Variants in CNTN4 observed in about 807,000 individuals in gnomAD.
CNTN4 encodes contactin 4.
In CNTN4, 77 loss-of-function variants were observed where a neutral mutation model predicts 122.5. The ratio of observed to expected loss-of-function variants is 0.63; its 90% CI spans 0.52 to 0.76. The LOEUF is 0.76. CNTN4 is among the 30% of genes least tolerant of loss of function. The pLI is 0.00. For missense variants in CNTN4, 1,256 were observed against 1,259.1 expected, an observed-to-expected ratio of 1.00 and a Z score of 0.04; for synonymous variants, 512 against 447.0, an observed-to-expected ratio of 1.15 and a Z score of -1.83.
At chr3:2,567,786 C>A (rs1438449653) in intron 3 of CNTN4, among the ~76,000 whole-genome samples, 1 of 152,126 alleles carries the variant, frequency 6.6e-6, no homozygotes, top group East Asian at 1.9e-4. Flanking sequence ...GGCCTTCCTC[C>A]CTCTTATTTA....
chr3:2,197,149 A>G (rs555881019), intron 2 of CNTN4, among the ~76,000 whole-genome samples: 1 of 152,026 alleles, frequency 6.6e-6, no homozygotes, highest in East Asian at 1.9e-4. Flanking sequence ...TATAGCGACT[A>G]TTAAGGAACC....
At chr3:2,324,874 C>T (rs572824833) in intron 2 of CNTN4, among the ~76,000 whole-genome samples, 18 of 152,120 alleles carry the variant, frequency 1.2e-4, no homozygotes, top group African/African-American at 4.3e-4. Flanking sequence ...ACCTCAAAAG[C>T]AGAGATGCTT....
chr3:3,000,609 G>A (rs1695938306), intron 14 of CNTN4, among the ~76,000 whole-genome samples: 1 of 152,228 alleles, frequency 6.6e-6, no homozygotes, highest in Admixed American at 6.5e-5. Context: ...AGGGAAATAT[G>A]GCAGAAAGAA....
intron 6 of CNTN4, among the ~76,000 whole-genome samples, chr3:2,764,401 CA>C (rs1454950196): frequency 6.6e-6 from 1 of 152,112 alleles, no homozygotes; most frequent in African/African-American, 2.4e-5. Context: ...ACAGAAAATA[CA>C]GAATGTACAA....
At chr3:2,983,092 T>C (rs1694190528) in intron 13 of CNTN4, among the ~76,000 whole-genome samples, 1 of 151,204 alleles carries the variant, frequency 6.6e-6, no homozygotes, top group Non-Finnish European at 1.5e-5. Flanking sequence ...CGGGTGCCTG[T>C]AGTCCCAGCT....
At chr3:2,973,655 T>G (rs192662595) in intron 13 of CNTN4, among the ~76,000 whole-genome samples, 1 of 152,044 alleles carries the variant, frequency 6.6e-6, no homozygotes, top group Non-Finnish European at 1.5e-5. Context: ...ATAATCAACA[T>G]ATTTAATGTG....
At chr3:2,622,876 C>G (rs2082043042) in intron 4 of CNTN4, among the ~76,000 whole-genome samples, 1 of 152,144 alleles carries the variant, frequency 6.6e-6, no homozygotes, top group African/African-American at 2.4e-5. Context: ...AGCCAGCACT[C>G]TTAGGGATTA....
chr3:2,828,298 G>T (rs1461059685), intron 7 of CNTN4, among the ~76,000 whole-genome samples: 1 of 152,040 alleles, frequency 6.6e-6, no homozygotes, highest in Non-Finnish European at 1.5e-5. Context: ...CACCTGAGAA[G>T]CGACTTCCCT....
intron 22 of CNTN4, among the ~76,000 whole-genome samples, chr3:3,043,368 C>T (rs1700337180): frequency 6.6e-6 from 1 of 152,176 alleles, no homozygotes; most frequent in South Asian, 2.1e-4. Flanking sequence ...TTTTTCTCCT[C>T]ACTGGGAAGG....
At chr3:2,599,362 G>C (rs2616589) in intron 4 of CNTN4, among the ~76,000 whole-genome samples, 14,914 of 152,290 alleles carry the variant, frequency 0.098, 972 homozygotes, top group Non-Finnish European at 0.14. Context: ...TCCAGAATCT[G>C]AGCTGTTGAC....
intron 7 of CNTN4, among the ~76,000 whole-genome samples, chr3:2,864,600 G>T (rs959373777): frequency 2.0e-5 from 3 of 151,672 alleles, no homozygotes; most frequent in Admixed American, 1.3e-4. Flanking sequence ...TTAGCCAAGC[G>T]TCGTGGTGGG....
intron 2 of CNTN4, among the ~76,000 whole-genome samples, chr3:2,231,921 A>G (rs1251848427): frequency 1.3e-5 from 2 of 152,278 alleles, no homozygotes; most frequent in South Asian, 4.1e-4. Flanking sequence ...AATACAACAC[A>G]TTCCTATGAA....
At chr3:2,892,308 A>G (rs1469717605) in intron 10 of CNTN4, 3 of 152,214 alleles carry the variant, frequency 2.0e-5, no homozygotes, top group African/African-American at 4.8e-5. Context: ...TAAGTTCCCA[A>G]GTAATGCTGA....
intron 4 of CNTN4, among the ~76,000 whole-genome samples, chr3:2,656,058 T>C (rs2083574550): frequency 2.0e-5 from 3 of 152,224 alleles, no homozygotes; most frequent in Non-Finnish European, 4.4e-5. Flanking sequence ...TGTTTTATTG[T>C]CCTCGAGGCA....
At chr3:2,618,243 G>GTA (rs56209132) in intron 4 of CNTN4, among the ~76,000 whole-genome samples, 8,227 of 151,138 alleles carry the variant, frequency 0.054, 689 homozygotes, top group African/African-American at 0.18. Flanking sequence ...TTAAATGTGG[G>GTA]TATATATATA....
At chr3:2,268,995 G>A (rs2041162798) in intron 2 of CNTN4, among the ~76,000 whole-genome samples, 1 of 152,076 alleles carries the variant, frequency 6.6e-6, no homozygotes, top group African/African-American at 2.4e-5. Context: ...GGAGTCCTTA[G>A]TGCCACTATG....
chr3:2,143,215 C>A (rs2035086333), intron 2 of CNTN4, among the ~76,000 whole-genome samples: 1 of 152,046 alleles, frequency 6.6e-6, no homozygotes, highest in South Asian at 2.1e-4. Context: ...TTAGAATTAA[C>A]CATGACCAGA....
chr3:2,312,459 C>A (rs1247726309), intron 2 of CNTN4, among the ~76,000 whole-genome samples: 1 of 152,036 alleles, frequency 6.6e-6, no homozygotes, highest in African/African-American at 2.4e-5. Flanking sequence ...GCAAATCTTG[C>A]TGGTGTAAAC....
chr3:2,521,304 T>G (rs865845594), intron 3 of CNTN4, among the ~76,000 whole-genome samples: 2 of 151,772 alleles, frequency 1.3e-5, no homozygotes, highest in African/African-American at 4.9e-5. Context: ...AGGCCTCTGC[T>G]TCATTTTGTT....
Sources: gnomAD v4.1 joint callset for allele counts (sites outside exome capture counted in the v4.1 genomes callset) on GRCh38, gnomAD v4.1.1 for gene constraint, MANE v1.5 for transcripts, NCBI Gene and HGNC (gene_info 2026-07-23, HGNC 2026-07-21) for gene names.